SLC44A1: variants seen among roughly 807,000 people sequenced by gnomAD.
SLC44A1 encodes solute carrier family 44 member 1.
SLC44A1 carries 26 observed loss-of-function variants against 79.3 expected under a neutral mutation model. That is an observed-to-expected ratio of 0.33 (90% CI 0.24 to 0.46). The LOEUF is 0.46. Among genes scored for constraint, SLC44A1 ranks in the 20% least tolerant of loss-of-function variants. The probability of loss-of-function intolerance (pLI) is 1.00; values close to 1 mark genes in which losing one functional copy is unlikely to be tolerated. For synonymous variants in SLC44A1, 263 were observed against 286.2 expected (o/e 0.92, Z 0.82); for missense variants, 688 against 798.1 (o/e 0.86, Z 1.66).
chr9:105,261,343 A>T (rs548014573), intron 1 of SLC44A1, among the ~76,000 whole-genome samples: 1 of 152,182 alleles, frequency 6.6e-6, no homozygotes, highest in African/African-American at 2.4e-5. Context: ...TCCCTGCAAC[A>T]CACCTCTTGT....
intron 12 of SLC44A1, among the ~76,000 whole-genome samples, chr9:105,369,009 G>A (rs985969096): frequency 6.6e-6 from 1 of 152,212 alleles, no homozygotes; most frequent in East Asian, 1.9e-4. Flanking sequence ...TTGCATTCCA[G>A]CCTGGGCAAC....
chr9:105,245,552 G>A (rs767179716), intron 1 of SLC44A1, among the ~76,000 whole-genome samples: 31 of 152,188 alleles, frequency 2.0e-4, no homozygotes, highest in Non-Finnish European at 4.0e-4. Flanking sequence ...CGGGCCCCGC[G>A]GCCTCCCCGC....
intron 3 of SLC44A1, among the ~76,000 whole-genome samples, chr9:105,332,695 G>C (rs533245652): frequency 6.6e-6 from 1 of 152,128 alleles, no homozygotes; most frequent in Non-Finnish European, 1.5e-5. Flanking sequence ...CTTACCCTTA[G>C]TCATGAATAC....
At chr9:105,293,378 A>G (rs1299208361) in intron 1 of SLC44A1, among the ~76,000 whole-genome samples, 1 of 152,236 alleles carries the variant, frequency 6.6e-6, no homozygotes, top group Non-Finnish European at 1.5e-5. Flanking sequence ...GAGTATGAAA[A>G]GGGAGCAGGA....
chr9:105,314,102 C>T (rs1252770458), intron 3 of SLC44A1, among the ~76,000 whole-genome samples: 4 of 152,052 alleles, frequency 2.6e-5, no homozygotes, highest in Admixed American at 6.6e-5. Flanking sequence ...AGAGGAAGCT[C>T]GCTGTCTTCC....
At chr9:105,253,507 T>G (rs1433843163) in intron 1 of SLC44A1, among the ~76,000 whole-genome samples, 1 of 152,102 alleles carries the variant, frequency 6.6e-6, no homozygotes, top group Non-Finnish European at 1.5e-5. Flanking sequence ...GCAGGAGGAT[T>G]ACTTGAAGCC....
intron 15 of SLC44A1, among the ~76,000 whole-genome samples, chr9:105,410,031 G>T (rs1352424566): frequency 6.6e-6 from 1 of 152,048 alleles, no homozygotes; most frequent in Admixed American, 6.6e-5. Flanking sequence ...AATGAAATTA[G>T]AAATAAATAA....
At chr9:105,361,805 C>T (rs1057212898) in intron 8 of SLC44A1, among the ~76,000 whole-genome samples, 2 of 152,140 alleles carry the variant, frequency 1.3e-5, no homozygotes, top group Admixed American at 1.3e-4. Context: ...ATAATGCAAG[C>T]ACTTTGGGAG....
chr9:105,423,834 G>A (rs899333617), intron 15 of SLC44A1, among the ~76,000 whole-genome samples: 2 of 152,142 alleles, frequency 1.3e-5, no homozygotes, highest in Admixed American at 1.3e-4. Context: ...GAGAGCAATA[G>A]ATGTCATCAA....
chr9:105,268,849 T>C (rs191582107), intron 1 of SLC44A1, among the ~76,000 whole-genome samples: 135 of 152,324 alleles, frequency 8.9e-4, no homozygotes, highest in African/African-American at 2.9e-3. Context: ...AAAGTAGATA[T>C]AGGTAGTCCT....
intron 1 of SLC44A1, among the ~76,000 whole-genome samples, chr9:105,278,280 G>C (rs7032322): frequency 1.3e-5 from 2 of 149,552 alleles, no homozygotes; most frequent in African/African-American, 4.9e-5. Context: ...ATGTAGTCTC[G>C]CTCTGTCACC....
intron 13 of SLC44A1, among the ~76,000 whole-genome samples, chr9:105,379,026 A>G (rs1246300080): frequency 2.0e-5 from 3 of 152,202 alleles, no homozygotes; most frequent in African/African-American, 7.2e-5. Flanking sequence ...TGTAATCCCA[A>G]CACTTTGGGA....
chr9:105,300,778 A>AAT (rs1564424008), intron 2 of SLC44A1, among the ~76,000 whole-genome samples: 1 of 144,584 alleles, frequency 6.9e-6, no homozygotes, highest in African/African-American at 2.5e-5. Context: ...GAGAAAAAAA[A>AAT]TTTTTTTTTT....
chr9:105,435,068 G>A (rs1053993237), intron 15 of SLC44A1, among the ~76,000 whole-genome samples: 1 of 151,964 alleles, frequency 6.6e-6, no homozygotes, highest in African/African-American at 2.4e-5. Flanking sequence ...GATCCATTGA[G>A]CCTGGGAGGT....
chr9:105,309,108 T>A (rs1175799996), intron 2 of SLC44A1, among the ~76,000 whole-genome samples: 1 of 152,232 alleles, frequency 6.6e-6, no homozygotes, highest in African/African-American at 2.4e-5. Context: ...TTCTTTGACT[T>A]GTATACAGCT....
intron 3 of SLC44A1, among the ~76,000 whole-genome samples, chr9:105,317,540 A>T (rs1036466917): frequency 2.6e-5 from 4 of 152,056 alleles, no homozygotes; most frequent in African/African-American, 9.7e-5. Context: ...CTAGATGGTT[A>T]TGAGGGTTTG....
At chr9:105,368,512 C>T (rs943996901) in intron 12 of SLC44A1, among the ~76,000 whole-genome samples, 58 of 152,136 alleles carry the variant, frequency 3.8e-4, no homozygotes, top group African/African-American at 1.4e-3. Context: ...TTGAGACTGG[C>T]ATCTTGTGGC....
chr9:105,373,274 C>T (rs1397196728), intron 12 of SLC44A1, among the ~76,000 whole-genome samples: 1 of 152,186 alleles, frequency 6.6e-6, no homozygotes, highest in African/African-American at 2.4e-5. Context: ...CAGCACTAAA[C>T]CCAAATTCCT....
intron 1 of SLC44A1, chr9:105,294,815 GTTA>G (rs1417336290): frequency 6.8e-6 from 1 of 146,666 alleles, no homozygotes; most frequent in Admixed American, 6.8e-5. Flanking sequence ...CATATCATTT[GTTA>G]TTATCCTATA....
Sources: allele counts gnomAD v4.1 joint callset (sites outside exome capture counted in the v4.1 genomes callset), GRCh38; gene constraint gnomAD v4.1.1; transcripts MANE v1.5; gene names NCBI Gene and HGNC (gene_info 2026-07-23, HGNC 2026-07-21).